The following ATL2 variants were observed in gnomAD, a reference collection of about 807,000 sequenced individuals.
The protein encoded by ATL2 is atlastin GTPase 2.
In ATL2, 31 loss-of-function variants were observed where a neutral mutation model predicts 73.9. That is an observed-to-expected ratio of 0.42 (90% confidence interval 0.32 to 0.57). ATL2 has a LOEUF of 0.57. Ranked by LOEUF, ATL2 falls within the 20% of genes least tolerant of loss-of-function variation. The pLI is 0.14. For missense variants in ATL2, 738 were observed against 702.6 expected (o/e 1.05, Z -0.57); for synonymous variants, 291 against 237.5 (o/e 1.23, Z -2.07).
At position 38,301,073 on chromosome 2, in the gene ATL2, C is replaced by G. The variant is rs142515432; in HGVS notation, c.1072-745G>C. Among the ~76,000 whole-genome samples, 850 of 151,832 alleles carry G rather than the reference C, an allele frequency of 5.6e-3. 65 individuals are homozygous for G. The East Asian group carries it at 0.14, about 24-fold the overall frequency. ...ACAACCTCCGCCTCCTGGGTTCAAG[C>G]AACTGTCCTGCCTCAGCCTCCCGAG... On this transcript the variant is annotated intron_variant, in intron 9 of 12. Transcript: ENST00000378954.
rs772135829 is a variant in ATL2, at chr2:38,318,917, C to G, written c.466G>C (p.Val156Leu). Residue 156 changes from valine (V) to leucine (L), a missense_variant, in exon 3 of 13, where the codon GTA becomes CTA. Coordinates refer to ENST00000378954, the MANE Select transcript of ATL2 (RefSeq NM_001135673.4). Reference sequence around the variant, plus strand: ...CCATTAGGTCTGTCAATCACAAATACTTCATTCCAAACTTGTATGCCTGTT... The same window carrying G: ...CCATTAGGTCTGTCAATCACAAATAGTTCATTCCAAACTTGTATGCCTGTT... ...ETTGIQVWNEVFVIDRPNGTK... is the reference protein window; with the variant it reads ...ETTGIQVWNELFVIDRPNGTK... The G allele has an allele frequency of 2.5e-6, 4 of 1,614,000 alleles. No individual in the cohort carries two copies. Among genetic ancestry groups the G allele is most frequent in the Non-Finnish European group, 3.4e-6 (4 of 1,179,974 alleles).
At chr2:38,334,493 G>A (rs1342304907) in intron 2 of ATL2, among the ~76,000 whole-genome samples, 1 of 151,916 alleles carries the variant, frequency 6.6e-6, no homozygotes, top group Admixed American at 6.6e-5. Context: ...CCTGAGGCCA[G>A]GAGTTCAAGA....
chr2:38,306,412 C>T (rs938303780), intron 9 of ATL2, among the ~76,000 whole-genome samples: 3 of 152,182 alleles, frequency 2.0e-5, no homozygotes, highest in African/African-American at 7.2e-5. Flanking sequence ...TACCCTGATA[C>T]CAAAACCAGA....
Position 38,340,392 on chromosome 2 carries a change from C to T in ATL2, c.363+2876G>A, listed in dbSNP as rs535629346. 1.5e-4 allele frequency among the ~76,000 whole-genome samples: 22 copies of T among 151,090 alleles called. No individual in the cohort carries two copies. The South Asian group carries it at 4.0e-3, about 27-fold the overall frequency. ...TATCTAAAGCACACCCCTAAATAAG[C>T]AAATAAGAATTAGAAGTGGGGGGGG... On this transcript the variant is annotated intron_variant, in intron 2 of 12. Coordinates refer to ENST00000378954, the MANE Select transcript of ATL2 (RefSeq NM_001135673.4).
chr2:38,342,408 T>C (rs375765742), intron 2 of ATL2, among the ~76,000 whole-genome samples: 5 of 152,190 alleles, frequency 3.3e-5, no homozygotes, highest in South Asian at 2.1e-4. Context: ...GTCCTAGATG[T>C]CAGGGAAGGC....
chr2:38,301,936 C>T (rs938476299), intron 9 of ATL2, among the ~76,000 whole-genome samples: 1 of 152,150 alleles, frequency 6.6e-6, no homozygotes, highest in African/African-American at 2.4e-5. Flanking sequence ...TTTCCTTCTG[C>T]GTGAGGAGAG....
chr2:38,369,357 C>A (rs567113365), intron 1 of ATL2, among the ~76,000 whole-genome samples: 2 of 151,976 alleles, frequency 1.3e-5, no homozygotes, highest in African/African-American at 4.8e-5. Context: ...GGCAGAGGCA[C>A]GAGAATCAGT....
intron 9 of ATL2, among the ~76,000 whole-genome samples, chr2:38,306,709 G>C (rs192312991): frequency 6.6e-5 from 10 of 152,164 alleles, no homozygotes; most frequent in African/African-American, 2.4e-4. Context: ...ATCCCTTCAT[G>C]GTAAAAATCC....
At chr2:38,375,933 C>T (rs1179214864) in intron 1 of ATL2, among the ~76,000 whole-genome samples, 1 of 152,144 alleles carries the variant, frequency 6.6e-6, no homozygotes, top group Non-Finnish European at 1.5e-5. Flanking sequence ...CCAAGAACTA[C>T]CAGGAATGAT....
At chr2:38,377,492 C>T (rs1284523768), upstream of ATL2, among the ~76,000 whole-genome samples, 3 of 151,476 alleles carry the variant, frequency 2.0e-5, no homozygotes, top group Non-Finnish European at 4.4e-5. Context: ...CCTGCAGATC[C>T]GTCTCCCCGG....
At chr2:38,343,012 G>C (rs1669812483) in intron 2 of ATL2, among the ~76,000 whole-genome samples, 1 of 150,820 alleles carries the variant, frequency 6.6e-6, no homozygotes, top group Non-Finnish European at 1.5e-5. Context: ...GTTGGGCATG[G>C]TGGCACACGC....
At chr2:38,364,599 A>C (rs1043253973) in intron 1 of ATL2, among the ~76,000 whole-genome samples, 1 of 152,256 alleles carries the variant, frequency 6.6e-6, no homozygotes, top group Non-Finnish European at 1.5e-5. Context: ...TAAAACGACA[A>C]TGTACTACAT....
intron 2 of ATL2, among the ~76,000 whole-genome samples, chr2:38,322,006 T>C (rs1387832525): frequency 1.3e-5 from 2 of 152,202 alleles, no homozygotes; most frequent in Non-Finnish European, 2.9e-5. Context: ...ATCTTCCTGA[T>C]TCTACCATAC....
rs1464989858 is a variant in ATL2, at chr2:38,309,425, A to G, written c.1025T>C (p.Ile342Thr). The change falls in exon 9 of 13, where the codon ATA becomes ACA. Residue 342 changes from isoleucine to threonine, a missense_variant. By Grantham distance (89) the Ile-to-Thr change is moderately conservative. Coordinates refer to ENST00000378954, the MANE Select transcript of ATL2 (RefSeq NM_001135673.4). ...TCTACAAGTGACTTTAGATCCACTT[A>G]TCTCTTTTTCTACCAAATTTTCAGG... is the stretch of plus-strand genomic sequence containing the variant. ...LAPENLVEKE[I>T]SGSKVTCRDL... 1 of 1,612,404 alleles carries G rather than the reference A, an allele frequency of 6.2e-7. No homozygotes were observed. The highest frequency in any genetic ancestry group is 1.7e-5 in the Admixed American group (1 of 59,958).
At chr2:38,333,189 C>T (rs974960530) in intron 2 of ATL2, among the ~76,000 whole-genome samples, 2 of 151,898 alleles carry the variant, frequency 1.3e-5, no homozygotes, top group Non-Finnish European at 2.9e-5. Flanking sequence ...AAAGTGAGGC[C>T]CTTCAGGGTC....
At chr2:38,329,423 C>CCA (rs1668853253) in intron 2 of ATL2, among the ~76,000 whole-genome samples, 2 of 13,650 alleles carry the variant, frequency 1.5e-4, no homozygotes, top group Non-Finnish European at 1.6e-4. Context: ...ACTCCATCTC[C>CCA]AAAAAAAAAA....
intron 6 of ATL2, among the ~76,000 whole-genome samples, chr2:38,313,706 C>A (rs748693481): frequency 7.1e-6 from 1 of 140,012 alleles, no homozygotes; most frequent in Admixed American, 6.9e-5. Context: ...TGGGTCAGCA[C>A]TGCTGACATT....
chr2:38,300,975 C>CT (rs111531452), intron 9 of ATL2, among the ~76,000 whole-genome samples: 1,683 of 141,234 alleles, frequency 0.012, 23 homozygotes, highest in South Asian at 0.083. Context: ...TCTCAACTTT[C>CT]TTTTTTTTTT....
At chr2:38,321,020 C>A (rs555038870) in intron 2 of ATL2, among the ~76,000 whole-genome samples, 11 of 149,314 alleles carry the variant, frequency 7.4e-5, no homozygotes, top group Admixed American at 2.7e-4. Flanking sequence ...CCAGGCGTGG[C>A]GGCACATGCC....
Sources: allele counts gnomAD v4.1 joint callset (sites outside exome capture counted in the v4.1 genomes callset), GRCh38; gene constraint gnomAD v4.1.1; transcripts MANE v1.5; gene names NCBI Gene and HGNC (gene_info 2026-07-23, HGNC 2026-07-21).